The following ASPA variants were observed in gnomAD, a reference collection of about 807,000 sequenced individuals.
ASPA encodes the protein aspartoacylase.
ASPA carries 25 observed loss-of-function variants against 29.6 expected under a neutral mutation model. That is an observed-to-expected ratio of 0.85 (90% CI 0.62 to 1.18). The LOEUF is 1.18. Ranked by LOEUF, ASPA falls within the 50% of genes most tolerant of loss-of-function variation. The pLI is 0.00. For synonymous variants in ASPA, 131 were observed against 130.3 expected, an observed-to-expected ratio of 1.01 and a Z score of -0.04; for missense variants, 333 against 385.7, an observed-to-expected ratio of 0.86 and a Z score of 1.14.
intron 4 of ASPA, among the ~76,000 whole-genome samples, chr17:3,492,202 C>A (rs1337707400): frequency 2.0e-5 from 3 of 152,164 alleles, no homozygotes; most frequent in Admixed American, 1.3e-4. Context: ...ATTAAAAAAG[C>A]TGAGCAGCAA....
chr17:3,476,169 T>G lies in ASPA; in HGVS notation c.10T>G (p.Cys4Gly). MTS[C>G]HIAEEHIQKV... The stretch of plus-strand genomic sequence containing the variant: ...AAAACTACTTGGTGAAATGACTTCT[T>G]GTCACATTGCTGAAGAACATATACA... The change falls in exon 1 of 6, where the codon TGT becomes GGT. Residue 4 changes from cysteine to glycine, a missense_variant. Cys to Gly is a radical substitution (Grantham distance 159). Coordinates refer to ENST00000263080, the MANE Select transcript of ASPA (RefSeq NM_000049.4). The G allele has an allele frequency of 1.9e-6, 3 of 1,613,770 alleles. No homozygotes were observed. The highest frequency in any genetic ancestry group is 2.5e-6 in the Non-Finnish European group (3 of 1,179,844).
intron 2 of ASPA, 21 bp downstream of exon 2, chr17:3,481,819 T>G (rs202016834): frequency 1.3e-6 from 2 of 1,561,734 alleles, no homozygotes; most frequent in African/African-American, 2.7e-5. Context: ...TGTTATTAAT[T>G]TATAAGTTAG....
chr17:3,496,727 CT>C (rs2150761567), intron 5 of ASPA, among the ~76,000 whole-genome samples: 1 of 152,338 alleles, frequency 6.6e-6, no homozygotes, highest in Admixed American at 6.5e-5. Flanking sequence ...TAAAGTAGCG[CT>C]TCTCAAACTT....
upstream of ASPA, chr17:3,475,589 AGAG>A (rs1425908694): frequency 6.5e-6 from 1 of 154,146 alleles, no homozygotes; most frequent in Admixed American, 6.4e-5. Context: ...CGCCGGTTCA[AGAG>A]GAGGTCTCTG....
At chr17:3,486,750 AT>A (rs1167246514) in intron 3 of ASPA, among the ~76,000 whole-genome samples, 3 of 152,230 alleles carry the variant, frequency 2.0e-5, no homozygotes, top group African/African-American at 7.2e-5. Context: ...ATATAAATAA[AT>A]TAAAATCTAA....
In ASPA at chr17:3,490,470, C is replaced by T. The variant is rs1265179023; in HGVS notation, c.634+1128C>T. Among the ~76,000 whole-genome samples the T allele has an allele frequency of 1.3e-5, 2 of 152,062 alleles. No homozygotes were observed. Among genetic ancestry groups the T allele is most frequent in the South Asian group, 2.1e-4 (1 of 4,818 alleles). ...GTTGAAATTGTTGTTGAGGAATGGG[C>T]AATTATAATAACAGAGGGGGTGTGT... is the stretch of plus-strand genomic sequence containing the variant. On this transcript the variant is annotated intron_variant, in intron 4 of 5. Transcript: ENST00000263080. This position sits in a 1 kb window ranked among gnomAD's most constrained non-coding sequence, Gnocchi z 4.6.
At chr17:3,495,431 C>T (rs1463368023) in intron 5 of ASPA, among the ~76,000 whole-genome samples, 1 of 152,212 alleles carries the variant, frequency 6.6e-6, no homozygotes, top group African/African-American at 2.4e-5. Context: ...TAATAGTCAT[C>T]CAGACTTGCA....
chr17:3,483,634 C>T (rs761180955), intron 3 of ASPA, 42 bp downstream of exon 3: 1 of 1,507,838 alleles, frequency 6.6e-7, no homozygotes, highest in Non-Finnish European at 9.2e-7. Flanking sequence ...TAAAATATGT[C>T]CTAGCTGAAA....
intron 5 of ASPA, among the ~76,000 whole-genome samples, chr17:3,498,553 C>T (rs761857210): frequency 1.3e-5 from 2 of 152,058 alleles, no homozygotes; most frequent in Non-Finnish European, 2.9e-5. Flanking sequence ...CTCTGTGTTG[C>T]CCAGGCTGGT....
At chr17:3,495,275 C>T (rs764835808) in intron 5 of ASPA, among the ~76,000 whole-genome samples, 2 of 152,134 alleles carry the variant, frequency 1.3e-5, no homozygotes, top group African/African-American at 2.4e-5. Flanking sequence ...CTTTCAACCC[C>T]GACTAACCTT....
Position 3,476,969 on chromosome 17 carries a change from T to C in ASPA, c.236+574T>C, listed in dbSNP as rs539507373. Among the ~76,000 whole-genome samples the C allele has an allele frequency of 3.6e-3, 549 of 152,214 alleles. 5 individuals are homozygous for C. The highest frequency in any genetic ancestry group is 0.012 in the African/African-American group (501 of 41,516). ...AGGAGATCGAGACCATCCTGGCTAA[T>C]GCAGTGAAACCCCATCTCTACTAAA... On this transcript the variant is annotated intron_variant, in intron 1 of 5. Transcript: ENST00000263080.
At chr17:3,487,836 T>C (rs1029032408) in intron 3 of ASPA, among the ~76,000 whole-genome samples, 8 of 152,118 alleles carry the variant, frequency 5.3e-5, no homozygotes, top group Non-Finnish European at 7.4e-5. Context: ...GAAAGTGAAA[T>C]GGATTTGGGG....
At chr17:3,489,442 C>G in intron 4 of ASPA, 100 bp downstream of exon 4, 1 of 1,038,852 alleles carries the variant, frequency 9.6e-7, no homozygotes, top group Non-Finnish European at 1.5e-6. Flanking sequence ...ATATGAAGTG[C>G]TTTTTAAAAT....
chr17:3,497,828 T>A (rs1196031589), intron 5 of ASPA, among the ~76,000 whole-genome samples: 1 of 152,178 alleles, frequency 6.6e-6, no homozygotes, highest in African/African-American at 2.4e-5. Context: ...ATGTTAGACA[T>A]GCAGAATCCC....
Position 3,499,123 on chromosome 17 carries a change from T to C in ASPA, c.*35T>C. 2 of 1,598,524 alleles carry C rather than the reference T, an allele frequency of 1.3e-6. No homozygotes were observed. Among genetic ancestry groups the C allele is most frequent in the South Asian group, 2.2e-5 (2 of 89,060 alleles). The stretch of plus-strand genomic sequence containing the variant: ...CCAGCTTACATCTTACACGGTGTCT[T>C]ACAAATTCTGCTAGTCTGTAAGCTC... On this transcript the variant is annotated 3_prime_UTR_variant, in exon 6 of 6. Coordinates refer to ENST00000263080, the MANE Select transcript of ASPA (RefSeq NM_000049.4).
chr17:3,478,525 A>G (rs1449017017), intron 1 of ASPA, among the ~76,000 whole-genome samples: 1 of 152,228 alleles, frequency 6.6e-6, no homozygotes, highest in East Asian at 1.9e-4. Flanking sequence ...TAACTTCTAT[A>G]TTACAAGTAA....
At chr17:3,474,569 A>C (rs1217014957), upstream of ASPA, among the ~76,000 whole-genome samples, 2 of 152,354 alleles carry the variant, frequency 1.3e-5, no homozygotes, top group East Asian at 3.9e-4. Context: ...CAGACAGTCA[A>C]AGCCTACAGG....
chr17:3,497,406 G>T (rs1418765356), intron 5 of ASPA, among the ~76,000 whole-genome samples: 1 of 152,174 alleles, frequency 6.6e-6, no homozygotes, highest in Non-Finnish European at 1.5e-5. Flanking sequence ...TCGAGGAGGT[G>T]GCTGAAAGAA....
intron 2 of ASPA, among the ~76,000 whole-genome samples, 156 bp downstream of exon 2, chr17:3,481,954 T>A (rs1489042056): frequency 6.6e-6 from 1 of 151,964 alleles, no homozygotes; most frequent in Admixed American, 6.6e-5. Context: ...GAAAGGGTGC[T>A]ACCAGAACAC....
Sources: gnomAD v4.1 joint callset for allele counts (sites outside exome capture counted in the v4.1 genomes callset) on GRCh38, gnomAD v4.1.1 for gene constraint, Gnocchi (gnomAD v3.1) non-coding constraint, MANE v1.5 for transcripts, NCBI Gene and HGNC (gene_info 2026-07-23, HGNC 2026-07-21) for gene names.